CDH10: variants seen among roughly 807,000 people sequenced by gnomAD.
The protein encoded by CDH10 is cadherin-10.
In CDH10, 30 loss-of-function variants were observed where a neutral mutation model predicts 73.1. The observed-to-expected ratio is 0.41, with a 90% CI of 0.31 to 0.56. CDH10 has a LOEUF of 0.56. CDH10 is among the 20% of genes least tolerant of loss of function. CDH10 has a pLI of 0.27. For synonymous variants in CDH10, 345 were observed against 348.2 expected, an observed-to-expected ratio of 0.99 and a Z score of 0.10; for missense variants, 815 against 973.7, an observed-to-expected ratio of 0.84 and a Z score of 2.17.
At chr5:24,502,222 C>A (rs1362298595) in intron 8 of CDH10, among the ~76,000 whole-genome samples, 1 of 151,972 alleles carries the variant, frequency 6.6e-6, no homozygotes, top group African/African-American at 2.4e-5. Flanking sequence ...GCGCCTGGCT[C>A]CCACATAGCA....
At chr5:24,613,143 T>C (rs1465628707) in intron 1 of CDH10, 2 of 150,860 alleles carry the variant, frequency 1.3e-5, no homozygotes, top group Non-Finnish European at 3.0e-5. Context: ...ACCTCTTTCT[T>C]AAGAGAAAAA....
At chr5:24,522,443 T>C (rs9293133) in intron 5 of CDH10, among the ~76,000 whole-genome samples, 70,000 of 151,542 alleles carry the variant, frequency 0.46, 16,382 homozygotes, top group East Asian at 0.58. Context: ...AATCAAGTTT[T>C]AGGAATGCAT....
chr5:24,585,426 A>AAAC lies in CDH10; in HGVS notation c.231+7831_231+7833dup, dbSNP rs922523654. On this transcript the variant is annotated intron_variant, in intron 2 of 11. Transcript: ENST00000264463. ...CACACAAACATACTTTTTCTTTAAA[A>AAAC]AACAACAACAACAACAACGGAGTTT... Among the ~76,000 whole-genome samples the AAAC allele has an allele frequency of 1.6e-3, 236 of 152,110 alleles. 2 individuals carry two copies. Among genetic ancestry groups the AAAC allele is most frequent in the African/African-American group, 3.9e-3 (160 of 41,518 alleles).
chr5:24,609,380 G>A (rs1746868876), intron 1 of CDH10, among the ~76,000 whole-genome samples: 1 of 152,156 alleles, frequency 6.6e-6, no homozygotes, highest in Non-Finnish European at 1.5e-5. Flanking sequence ...TGATGAAACT[G>A]TCTAGGTAAA....
rs1358025050 is a variant in CDH10, at chr5:24,509,569, A to T, written c.1253T>A (p.Ile418Asn). Residue 418 changes from isoleucine to asparagine, a missense_variant, in exon 7 of 12, where the codon ATT (isoleucine) becomes AAT (asparagine). Coordinates refer to ENST00000264463, the MANE Select transcript of CDH10 (RefSeq NM_006727.5). Reference protein sequence around the residue: ...ARDPDSISSPIRFSLDRHTDL... With the variant: ...ARDPDSISSPNRFSLDRHTDL... ...CATTTTTAAAAGGCACACTTACCTA[A>T]TGGGGCTGGAAATAGAATCTGGGTC... The T allele has an allele frequency of 6.2e-7, 1 of 1,613,750 alleles. No homozygotes were observed. Among genetic ancestry groups the T allele is most frequent in the Non-Finnish European group, 8.5e-7 (1 of 1,179,870 alleles).
At chr5:24,530,384 TAATGTAATCTTTTCATAGACCTTTCCA>T (rs1419579486) in intron 5 of CDH10, among the ~76,000 whole-genome samples, 1 of 152,032 alleles carries the variant, frequency 6.6e-6, no homozygotes, top group Non-Finnish European at 1.5e-5. Flanking sequence ...CAGGTTTCAG[TAATGTAATCTTTTCATAGACCTTTCCA>T]ATGATCAGTT....
At chr5:24,500,166 T>G (rs934925710) in intron 8 of CDH10, among the ~76,000 whole-genome samples, 3 of 152,184 alleles carry the variant, frequency 2.0e-5, no homozygotes, top group Non-Finnish European at 4.4e-5. Context: ...CACATACAAA[T>G]AGGAAGTATA....
chr5:24,520,988 G>A (rs1355560098), intron 5 of CDH10, among the ~76,000 whole-genome samples: 1 of 151,784 alleles, frequency 6.6e-6, no homozygotes, highest in African/African-American at 2.4e-5. Context: ...CCCAAAGCAT[G>A]AGCCACCGTG....
chr5:24,635,346 G>A lies in CDH10; in HGVS notation c.-124+9248C>T, dbSNP rs528465775. Among the ~76,000 whole-genome samples, 4 of 152,100 alleles carry A rather than the reference G, an allele frequency of 2.6e-5. No homozygotes were observed. The East Asian group carries it at 7.7e-4, about 29-fold the overall frequency. The stretch of plus-strand genomic sequence containing the variant: ...ATCTGAGAAAGGAAACATTACTGCA[G>A]TGTATTCAGAAATGGCTCATGTTTC... On this transcript the variant is annotated intron_variant, in intron 1 of 11. Transcript: ENST00000264463.
In CDH10 at chr5:24,583,202, G is replaced by A. The variant is rs568951828; in HGVS notation, c.231+10058C>T. Among the ~76,000 whole-genome samples, 16 of 34,592 alleles carry A rather than the reference G, an allele frequency of 4.6e-4. No individual in the cohort carries two copies. The South Asian group carries it at 0.017, about 38-fold the overall frequency. The allele number at this position is 34,592 out of a possible 152,430, so 22.7% of individuals were successfully genotyped here. On this transcript the variant is annotated intron_variant, in intron 2 of 11. Transcript: ENST00000264463. ...AGTGAGTCCTAGGTTACATTTTTTA[G>A]TTAAAAAAAAAAAAAAGCAGATTCC...
chr5:24,546,876 C>A (rs1744362686), intron 2 of CDH10, among the ~76,000 whole-genome samples: 1 of 151,860 alleles, frequency 6.6e-6, no homozygotes. Context: ...AGCCAGATGT[C>A]AAACAAATAA....
chr5:24,523,355 C>T (rs1423657265), intron 5 of CDH10, among the ~76,000 whole-genome samples: 1 of 151,982 alleles, frequency 6.6e-6, no homozygotes, highest in Non-Finnish European at 1.5e-5. Flanking sequence ...TATATATACA[C>T]ACACATAGGC....
At chr5:24,558,094 G>A (rs1744826894) in intron 2 of CDH10, among the ~76,000 whole-genome samples, 1 of 151,732 alleles carries the variant, frequency 6.6e-6, no homozygotes, top group Non-Finnish European at 1.5e-5. Context: ...AATATATTTT[G>A]AGAATGTAGA....
In CDH10 at chr5:24,498,506, C is replaced by T. The variant is rs16893442; in HGVS notation, c.1407G>A (p.Glu469=). 1.5e-3 allele frequency: 2,335 copies of T among 1,602,810 alleles called. 25 individuals are homozygous for T. In the African/African-American group the frequency reaches 0.026, roughly 18 times the overall value. ...VIAAEINNPK[E]TTRVAVFVRI... is the part of the protein sequence containing the mutation. ...TCACAAAAACAGCCACGCGTGTTGT[C>T]TCTTTGGGATTGTCTGGAAAAGGGG... The change falls in exon 9 of 12, where the codon GAG becomes GAA. Residue 469 remains glutamate (E), a synonymous_variant. Coordinates refer to ENST00000264463, the MANE Select transcript of CDH10 (RefSeq NM_006727.5).
chr5:24,618,290 C>T (rs757465907), intron 1 of CDH10, among the ~76,000 whole-genome samples: 13 of 152,020 alleles, frequency 8.6e-5, no homozygotes, highest in Admixed American at 3.9e-4. Context: ...TAACTTGTTA[C>T]GAAGCAAAAG....
At chr5:24,566,920 T>C (rs1318092650) in intron 2 of CDH10, among the ~76,000 whole-genome samples, 1 of 152,048 alleles carries the variant, frequency 6.6e-6, no homozygotes, top group Non-Finnish European at 1.5e-5. Flanking sequence ...GGGGGTAAAA[T>C]CATTTAGAAT....
intron 5 of CDH10, among the ~76,000 whole-genome samples, chr5:24,531,678 C>T (rs1361648621): frequency 6.6e-6 from 1 of 152,056 alleles, no homozygotes; most frequent in Non-Finnish European, 1.5e-5. Flanking sequence ...AAGACCACCC[C>T]CGTGATTCAG....
At chr5:24,494,716 CAT>C (rs1237190647) in intron 9 of CDH10, among the ~76,000 whole-genome samples, 3 of 151,732 alleles carry the variant, frequency 2.0e-5, no homozygotes, top group African/African-American at 7.3e-5. Flanking sequence ...TAAAAATTAA[CAT>C]TAAAATCTTT....
rs1040198179 is a variant in CDH10, at chr5:24,644,755, G to A, written c.-285C>T. ...CTTTCTCAGCATCACTTTTAACTCT[G>A]GACAGCAGGGAACCGAAGAAAACGG... On this transcript the variant is annotated 5_prime_UTR_variant, in exon 1 of 12. Transcript: ENST00000264463. 2 of 151,232 alleles carry A rather than the reference G, an allele frequency of 1.3e-5. No homozygotes were observed. Among genetic ancestry groups the A allele is most frequent in the South Asian group, 2.1e-4 (1 of 4,786 alleles). 9.4% of individuals were successfully genotyped at this position (151,232 alleles called of 1,614,324 possible).
Sources: gnomAD v4.1 joint callset for allele counts (sites outside exome capture counted in the v4.1 genomes callset) on GRCh38, gnomAD v4.1.1 for gene constraint, MANE v1.5 for transcripts, NCBI Gene and HGNC (gene_info 2026-07-23, HGNC 2026-07-21) for gene names.